GOLM1: variants seen among roughly 807,000 people sequenced by gnomAD.
The protein encoded by GOLM1 is epididymis luminal protein 46.
GOLM1 carries 31 observed loss-of-function variants against 50.5 expected under a neutral mutation model. The observed-to-expected ratio is 0.61, with a 90% CI of 0.46 to 0.83. The LOEUF is 0.83. GOLM1 is among the 40% of genes least tolerant of loss of function. The pLI, the probability that GOLM1 is intolerant of heterozygous loss-of-function variation, is 0.00. For missense variants in GOLM1, 491 were observed against 501.3 expected (o/e 0.98, Z 0.20); for synonymous variants, 178 against 192.8 (o/e 0.92, Z 0.64).
chr9:86,096,326 A>G (rs1480854976), intron 1 of GOLM1, among the ~76,000 whole-genome samples: 1 of 152,226 alleles, frequency 6.6e-6, no homozygotes, highest in Non-Finnish European at 1.5e-5. Flanking sequence ...CTACTGGGCT[A>G]TAACAGCAGA....
intron 9 of GOLM1, among the ~76,000 whole-genome samples, chr9:86,029,479 T>C (rs771757635): frequency 2.0e-5 from 3 of 152,026 alleles, no homozygotes; most frequent in Non-Finnish European, 4.4e-5. Flanking sequence ...CATCTGATCT[T>C]ACTCTATCCT....
intron 1 of GOLM1, among the ~76,000 whole-genome samples, chr9:86,080,697 T>C (rs1215293924): frequency 6.6e-6 from 1 of 152,080 alleles, no homozygotes; most frequent in Non-Finnish European, 1.5e-5. Context: ...TCATCTAAAA[T>C]AAAGCACCCC....
chr9:86,091,672 C>T (rs528124988), intron 1 of GOLM1, among the ~76,000 whole-genome samples: 2 of 152,326 alleles, frequency 1.3e-5, no homozygotes, highest in African/African-American at 4.8e-5. Flanking sequence ...AATCCTCACA[C>T]CTCAGTCTCC....
intron 8 of GOLM1, chr9:86,035,142 G>A (rs964708553): frequency 6.1e-6 from 6 of 985,370 alleles, no homozygotes; most frequent in Non-Finnish European, 7.2e-6. Context: ...TCGACTCCCT[G>A]CCAATATTGC....
At chr9:86,095,602 G>A (rs990088907) in intron 1 of GOLM1, among the ~76,000 whole-genome samples, 1 of 152,164 alleles carries the variant, frequency 6.6e-6, no homozygotes, top group Admixed American at 6.6e-5. Context: ...TTTCATGACA[G>A]AGTGCTTCAA....
chr9:86,078,937 C>T (rs557712534), intron 2 of GOLM1, among the ~76,000 whole-genome samples: 62 of 152,224 alleles, frequency 4.1e-4, no homozygotes, highest in African/African-American at 1.4e-3. Context: ...ATGCTGTTAA[C>T]TCACAGGAAA....
chr9:86,044,439 C>T (rs1441828863), intron 5 of GOLM1, among the ~76,000 whole-genome samples: 4 of 152,132 alleles, frequency 2.6e-5, no homozygotes, highest in Non-Finnish European at 5.9e-5. Context: ...ACGCAATGCA[C>T]GTGAGGCAAC....
At chr9:86,066,934 TTATTAC>T (rs1309067717) in intron 3 of GOLM1, among the ~76,000 whole-genome samples, 1 of 151,896 alleles carries the variant, frequency 6.6e-6, no homozygotes, top group Non-Finnish European at 1.5e-5. Context: ...CAAATTATTA[TTATTAC>T]TATTATTATT....
chr9:86,027,472 G>C lies in GOLM1; in HGVS notation c.*345C>G, dbSNP rs748309973. On this transcript the variant is annotated 3_prime_UTR_variant, in exon 10 of 10. Transcript: ENST00000388712. ...TTCACAGCAGATGGACTCTTCTATA[G>C]GTGGCTGTTAATTTACACAAAGTTA... 1.6e-5 allele frequency: 18 copies of C among 1,093,650 alleles called. No homozygotes were observed. The highest frequency in any genetic ancestry group is 2.0e-5 in the Non-Finnish European group (18 of 898,158). 67.7% of individuals were successfully genotyped at this position (1,093,650 alleles called of 1,614,324 possible).
rs761154076 is a variant in GOLM1, at chr9:86,053,021, CACA to C, written c.310-433_310-431del. 6.1e-4 allele frequency among the ~76,000 whole-genome samples: 87 copies of C among 143,576 alleles called. 1 individual carries two copies. Among genetic ancestry groups the C allele is most frequent in the Non-Finnish European group, 4.1e-4 (27 of 65,388 alleles). The allele number at this position is 143,576 out of a possible 152,430, so 94.2% of individuals were successfully genotyped here. ...AAACCACACCACACACACCACTCCA[CACA>C]ACACCACGCCATATGACTCCACACA... On this transcript the variant is annotated intron_variant, in intron 3 of 9. Coordinates refer to ENST00000388712, the MANE Select transcript of GOLM1 (RefSeq NM_016548.4).
At chr9:86,088,861 G>A (rs746729299) in intron 1 of GOLM1, among the ~76,000 whole-genome samples, 4 of 152,030 alleles carry the variant, frequency 2.6e-5, no homozygotes, top group African/African-American at 4.8e-5. Context: ...TAGTGTCGAT[G>A]GTCTTTACAA....
chr9:86,071,344 C>T (rs533747984), intron 3 of GOLM1, among the ~76,000 whole-genome samples: 6 of 152,190 alleles, frequency 3.9e-5, no homozygotes, highest in East Asian at 3.9e-4. Context: ...GCAATCCTCC[C>T]GCCTTAGCCT....
rs1832821268 is a variant in GOLM1 at position 86,027,493 on chromosome 9, A to AGTT, written c.*321_*323dup. The stretch of plus-strand genomic sequence containing the variant: ...TATAGGTGGCTGTTAATTTACACAA[A>AGTT]GTTATATTCCAGAATCAGGAAGCCC... On this transcript the variant is annotated 3_prime_UTR_variant, in exon 10 of 10. Transcript: ENST00000388712. 2 of 1,118,272 alleles carry AGTT rather than the reference A, an allele frequency of 1.8e-6. No homozygotes were observed. Among genetic ancestry groups the AGTT allele is most frequent in the Non-Finnish European group, 2.2e-6 (2 of 914,184 alleles). 69.3% of individuals were successfully genotyped at this position (1,118,272 alleles called of 1,614,324 possible).
intron 1 of GOLM1, among the ~76,000 whole-genome samples, chr9:86,095,199 A>G (rs10124268): frequency 0.24 from 36,716 of 151,978 alleles, 7,533 homozygotes; most frequent in African/African-American, 0.54. Flanking sequence ...ATTTTTGTAC[A>G]CTGCCCACAA....
chr9:86,069,137 A>G (rs1202110790), intron 3 of GOLM1, among the ~76,000 whole-genome samples: 2 of 149,154 alleles, frequency 1.3e-5, no homozygotes, highest in Non-Finnish European at 3.0e-5. Flanking sequence ...TGTAATCTCT[A>G]TTTTTTTTTT....
intron 1 of GOLM1, among the ~76,000 whole-genome samples, chr9:86,099,071 G>A (rs1054565782): frequency 2.0e-5 from 3 of 152,304 alleles, no homozygotes; most frequent in South Asian, 2.1e-4. Context: ...GGATGCCGAC[G>A]CGCGTGACAA....
At chr9:86,045,142 A>T (rs975585413) in intron 5 of GOLM1, among the ~76,000 whole-genome samples, 2 of 152,018 alleles carry the variant, frequency 1.3e-5, no homozygotes, top group African/African-American at 2.4e-5. Context: ...AGGCTGAGGC[A>T]GGCAGATCAT....
At chr9:86,030,198 A>C (rs552176062) in intron 9 of GOLM1, among the ~76,000 whole-genome samples, 2 of 148,108 alleles carry the variant, frequency 1.4e-5, no homozygotes, top group Non-Finnish European at 3.0e-5. Context: ...AGCCTGGGCA[A>C]GAAGAGTGAG....
At chr9:86,099,207 G>A (rs984674927) in intron 1 of GOLM1, among the ~76,000 whole-genome samples, 3 of 151,686 alleles carry the variant, frequency 2.0e-5, no homozygotes, top group Admixed American at 2.0e-4. Context: ...GAGGGGCCCA[G>A]GCAGCCGCGG....
Sources: gnomAD v4.1 joint callset for allele counts (sites outside exome capture counted in the v4.1 genomes callset) on GRCh38, gnomAD v4.1.1 for gene constraint, MANE v1.5 for transcripts, NCBI Gene and HGNC (gene_info 2026-07-23, HGNC 2026-07-21) for gene names.